Variants in NELL2 observed in about 807,000 individuals in gnomAD.
NELL2 encodes the protein protein kinase C-binding protein NELL2.
In NELL2, 41 loss-of-function variants were observed where a neutral mutation model predicts 109.6. That is an observed-to-expected ratio of 0.37 (90% CI 0.29 to 0.49). The LOEUF is 0.49. NELL2 is among the 20% of genes least tolerant of loss of function. The pLI, the probability that NELL2 is intolerant of heterozygous loss-of-function variation, is 0.98. For missense variants in NELL2, 900 were observed against 1,008.3 expected (o/e 0.89, Z 1.45); for synonymous variants, 355 against 344.7 (o/e 1.03, Z -0.33).
intron 13 of NELL2, among the ~76,000 whole-genome samples, chr12:44,640,955 G>GC (rs1403831952): frequency 6.6e-6 from 1 of 151,992 alleles, no homozygotes; most frequent in African/African-American, 2.4e-5. Context: ...CTTTATAAAG[G>GC]GGAAAAAACT....
chr12:44,906,261 T>C (rs1945718109), intron 1 of NELL2, among the ~76,000 whole-genome samples: 1 of 152,028 alleles, frequency 6.6e-6, no homozygotes, highest in South Asian at 2.1e-4. Flanking sequence ...TAAGTACGAT[T>C]GGGGTTAGGA....
intron 9 of NELL2, among the ~76,000 whole-genome samples, chr12:44,744,545 G>C (rs2136508638): frequency 6.6e-6 from 1 of 152,226 alleles, no homozygotes; most frequent in South Asian, 2.1e-4. Flanking sequence ...AAAATTGATA[G>C]ACTGCTAGCA....
In NELL2 at chr12:44,654,490, G is replaced by A. The variant is rs1000791390; in HGVS notation, c.1444+10994C>T. 4.6e-5 allele frequency among the ~76,000 whole-genome samples: 7 copies of A among 152,072 alleles called. No individual in the cohort carries two copies. In the South Asian group the frequency reaches 1.0e-3, roughly 22 times the overall value. ...GCCATACCTTTGTGTAATCCCCTTC[G>A]GTTTAGTGTGGGCTGGACCTAGTGA... On this transcript the variant is annotated intron_variant, in intron 13 of 19. Coordinates refer to ENST00000429094, the MANE Select transcript of NELL2 (RefSeq NM_001145108.2).
intron 15 of NELL2, among the ~76,000 whole-genome samples, chr12:44,587,307 A>ATATATATATATATTTT (rs1302978950): frequency 2.1e-5 from 2 of 96,642 alleles, no homozygotes; most frequent in African/African-American, 8.4e-5. Context: ...ATATATATAT[A>ATATATATATATATTTT]TTTTTTTTTA....
intron 15 of NELL2, among the ~76,000 whole-genome samples, chr12:44,533,634 T>A (rs936255398): frequency 6.6e-6 from 1 of 152,124 alleles, no homozygotes; most frequent in Non-Finnish European, 1.5e-5. Context: ...TTATTACTAT[T>A]CCTAAATATT....
chr12:44,663,977 G>T (rs1457197508), intron 13 of NELL2, among the ~76,000 whole-genome samples: 1 of 152,050 alleles, frequency 6.6e-6, no homozygotes, highest in Admixed American at 6.6e-5. Flanking sequence ...GGGCTCCCCT[G>T]GAACTGCTAG....
At chr12:44,704,693 C>T (rs1466632694) in intron 11 of NELL2, among the ~76,000 whole-genome samples, 1 of 152,142 alleles carries the variant, frequency 6.6e-6, no homozygotes, top group Admixed American at 6.5e-5. Flanking sequence ...TAGGTTTGCA[C>T]TTTCTAATGG....
chr12:44,696,919 G>A (rs1036874367), intron 12 of NELL2, among the ~76,000 whole-genome samples: 9 of 152,306 alleles, frequency 5.9e-5, no homozygotes, highest in African/African-American at 1.9e-4. Flanking sequence ...ATTGAATTCT[G>A]AATGAATAAA....
At chr12:44,594,348 T>G (rs188943799) in intron 15 of NELL2, among the ~76,000 whole-genome samples, 36 of 151,918 alleles carry the variant, frequency 2.4e-4, no homozygotes, top group African/African-American at 8.7e-4. Context: ...AAATGTAGAA[T>G]AAAAAAGTGA....
intron 1 of NELL2, among the ~76,000 whole-genome samples, chr12:44,884,860 T>G (rs754747656): frequency 6.6e-6 from 1 of 152,024 alleles, no homozygotes; most frequent in Admixed American, 6.5e-5. Flanking sequence ...TTAAAATAAA[T>G]AATTCACTGC....
intron 2 of NELL2, among the ~76,000 whole-genome samples, chr12:44,859,908 G>A (rs529021257): frequency 3.2e-4 from 48 of 152,278 alleles, no homozygotes; most frequent in Non-Finnish European, 2.9e-5. Context: ...TTCTAGTTAT[G>A]TTTGACCCTG....
intron 1 of NELL2, among the ~76,000 whole-genome samples, chr12:44,893,950 T>C (rs1945564736): frequency 6.6e-6 from 1 of 152,096 alleles, no homozygotes; most frequent in Admixed American, 6.6e-5. Flanking sequence ...TATAATAAAA[T>C]TAAATTCTAG....
intron 13 of NELL2, 30 bp downstream of exon 13, chr12:44,665,454 T>G (rs2290353): frequency 0.16 from 246,567 of 1,562,266 alleles, 20,040 homozygotes; most frequent in East Asian, 0.22. Context: ...GACATAAAAA[T>G]ATTTTATTTC....
intron 9 of NELL2, among the ~76,000 whole-genome samples, chr12:44,743,449 C>G (rs1250187389): frequency 1.3e-5 from 2 of 152,118 alleles, no homozygotes; most frequent in Non-Finnish European, 2.9e-5. Flanking sequence ...TCACACATAA[C>G]AATATTAACT....
At chr12:44,845,490 T>G (rs1944343873) in intron 2 of NELL2, among the ~76,000 whole-genome samples, 1 of 152,200 alleles carries the variant, frequency 6.6e-6, no homozygotes, top group Non-Finnish European at 1.5e-5. Context: ...TCATTCACAT[T>G]AGCCACATTT....
intron 9 of NELL2, among the ~76,000 whole-genome samples, chr12:44,724,303 G>A (rs1309727983): frequency 6.6e-6 from 1 of 151,356 alleles, no homozygotes; most frequent in Non-Finnish European, 1.5e-5. Context: ...TATGTTTTCT[G>A]CCTGGGTGAT....
intron 12 of NELL2, among the ~76,000 whole-genome samples, chr12:44,686,929 G>C (rs1948737029): frequency 6.6e-6 from 1 of 152,330 alleles, no homozygotes; most frequent in African/African-American, 2.4e-5. Context: ...TCCTTGAGCT[G>C]TGGTGGGCTC....
chr12:44,527,951 C>T lies in NELL2; in HGVS notation c.1805-4467G>A, dbSNP rs1003149661. 5.3e-5 allele frequency among the ~76,000 whole-genome samples: 8 copies of T among 151,058 alleles called. 1 individual carries two copies. Among genetic ancestry groups the T allele is most frequent in the African/African-American group, 1.7e-4 (7 of 41,232 alleles). On this transcript the variant is annotated intron_variant, in intron 16 of 19. Coordinates refer to ENST00000429094, the MANE Select transcript of NELL2 (RefSeq NM_001145108.2). Reference sequence around the variant, plus strand: ...CTACTAAAAATACAAAAAATTAGCCCGGCGTGGTGGCGGGCGCCTGTAGTC... The same window carrying T: ...CTACTAAAAATACAAAAAATTAGCCTGGCGTGGTGGCGGGCGCCTGTAGTC...
intron 2 of NELL2, among the ~76,000 whole-genome samples, chr12:44,859,149 A>T (rs1944766360): frequency 6.6e-6 from 1 of 152,214 alleles, no homozygotes; most frequent in Non-Finnish European, 1.5e-5. Context: ...TTTTACTGTA[A>T]TAATTTATAT....
Sources: gnomAD v4.1 joint callset for allele counts (sites outside exome capture counted in the v4.1 genomes callset) on GRCh38, gnomAD v4.1.1 for gene constraint, MANE v1.5 for transcripts, NCBI Gene and HGNC (gene_info 2026-07-23, HGNC 2026-07-21) for gene names.